The following SBF1 variants were observed in gnomAD, a reference collection of about 807,000 sequenced individuals.
SBF1 encodes the protein myotubularin-related protein 5.
A neutral mutation model predicts 215.8 loss-of-function variants in SBF1; 65 were observed. That is an observed-to-expected ratio of 0.30 (90% CI 0.25 to 0.37). The LOEUF (loss-of-function observed/expected upper bound fraction) is 0.37. SBF1 is among the 10% of genes least tolerant of loss of function. The probability of loss-of-function intolerance (pLI) is 1.00; values close to 1 mark genes in which losing one functional copy is unlikely to be tolerated. For missense variants in SBF1, 2,634 were observed against 2,667.8 expected (o/e 0.99, Z 0.28); for synonymous variants, 1,410 against 1,122.8 (o/e 1.26, Z -5.11).
At chr22:50,453,282 T>TA (rs1455134879) in intron 36 of SBF1, among the ~76,000 whole-genome samples, 1 of 152,210 alleles carries the variant, frequency 6.6e-6, no homozygotes, top group Non-Finnish European at 1.5e-5. Context: ...GCGTCAACTT[T>TA]AAGACAATGA....
rs371153930 is a variant in SBF1, at chr22:50,468,362, C to T, written c.141+14G>A. The T allele has an allele frequency of 2.9e-4, 460 of 1,610,818 alleles. 3 individuals are homozygous for T. The African/African-American group carries it at 5.0e-3, about 18-fold the overall frequency. The stretch of plus-strand genomic sequence containing the variant: ...CCCACCTGCCAGCACCGTCTCAGCA[C>T]GCCCCCAACTCACCAGCTCGATGCC... On this transcript the variant is annotated intron_variant, in intron 2 of 40. Coordinates refer to ENST00000380817, the MANE Select transcript of SBF1 (RefSeq NM_002972.4).
At position 50,445,434 on chromosome 22, in the gene SBF1, G is replaced by A. The variant is rs999491903; in HGVS notation, c.*1708C>T. 6.6e-6 allele frequency: 1 copy of A among 152,200 alleles called. No individual in the cohort carries two copies. Among genetic ancestry groups the A allele is most frequent in the Non-Finnish European group, 1.5e-5 (1 of 68,078 alleles). 9.4% of individuals were successfully genotyped at this position (152,200 alleles called of 1,614,324 possible). A position where few individuals can be genotyped will look rare whatever the true frequency, so the allele number is the denominator to read the frequency against. ...GACCAGACCCCCACCCCGCCCCAGC[G>A]AGCTTGTCTTTCCACCACGGTTGGG... On this transcript the variant is annotated 3_prime_UTR_variant, in exon 41 of 41. Transcript: ENST00000380817.
Position 50,447,077 on chromosome 22 carries a change from G to T in SBF1, c.*65C>A. ...CCGGGGCTGTAAACATGGCCGGGGCGGCCCTGCCCACCCCTAGTGGTCGGT... is the reference window on the plus strand; with the variant it reads ...CCGGGGCTGTAAACATGGCCGGGGCTGCCCTGCCCACCCCTAGTGGTCGGT... On this transcript the variant is annotated 3_prime_UTR_variant, in exon 41 of 41. Transcript: ENST00000380817. The T allele has an allele frequency of 7.0e-7, 1 of 1,426,880 alleles. No individual in the cohort carries two copies. Among genetic ancestry groups the T allele is most frequent in the Non-Finnish European group, 9.7e-7 (1 of 1,034,650 alleles). 88.4% of individuals were successfully genotyped at this position (1,426,880 alleles called of 1,614,324 possible).
In SBF1 at chr22:50,445,677, A is replaced by G. The variant is rs952377470; in HGVS notation, c.*1465T>C. The G allele has an allele frequency of 6.6e-6, 1 of 152,270 alleles. No individual in the cohort carries two copies. The highest frequency in any genetic ancestry group is 2.1e-4 in the South Asian group (1 of 4,836). 9.4% of individuals were successfully genotyped at this position (152,270 alleles called of 1,614,324 possible). ...GGCGCCATCTGTCCGGCCTGAGGGA[A>G]GACCTGGCTGGTTTCAGTGGCTCAA... On this transcript the variant is annotated 3_prime_UTR_variant, in exon 41 of 41. Transcript: ENST00000380817.
At chr22:50,470,903 C>T (rs189462809) in intron 1 of SBF1, among the ~76,000 whole-genome samples, 2 of 152,202 alleles carry the variant, frequency 1.3e-5, no homozygotes, top group African/African-American at 4.8e-5. Flanking sequence ...TCCTCCTCAC[C>T]CTTCTGAGGT....
At chr22:50,448,499 C>CA in intron 37 of SBF1, 44 bp downstream of exon 37, 3 of 1,608,750 alleles carry the variant, frequency 1.9e-6, no homozygotes, top group Non-Finnish European at 2.6e-6. Context: ...CACTTTCTCC[C>CA]AGCAACACGC....
At chr22:50,468,491 C>T (rs765721933) in intron 1 of SBF1, 30 bp from the exon 2 acceptor site, 2 of 1,485,998 alleles carry the variant, frequency 1.3e-6, no homozygotes, top group Admixed American at 4.0e-5. Flanking sequence ...GTCAGAGCAC[C>T]CAACCCGCCC....
rs1261817407 is a variant in SBF1, at chr22:50,465,345, G to A, written c.1090-17C>T. ...CTCCTTGTCCTGGGAGAAGAGCTGAGTGCAGGTGAGAGCCAGTCCTGCCAA... is the reference window on the plus strand; with the variant it reads ...CTCCTTGTCCTGGGAGAAGAGCTGAATGCAGGTGAGAGCCAGTCCTGCCAA... On this transcript the variant is annotated splice_polypyrimidine_tract_variant and intron_variant, in intron 10 of 40. Coordinates refer to ENST00000380817, the MANE Select transcript of SBF1 (RefSeq NM_002972.4). 2 of 1,558,152 alleles carry A rather than the reference G, an allele frequency of 1.3e-6. No individual in the cohort carries two copies. The highest frequency in any genetic ancestry group is 2.3e-5 in the East Asian group (1 of 42,572).
At chr22:50,465,455 A>G in intron 10 of SBF1, 127 bp from the exon 11 acceptor site, 2 of 797,182 alleles carry the variant, frequency 2.5e-6, no homozygotes, top group Non-Finnish European at 2.0e-6. Flanking sequence ...CCCTCCCACC[A>G]TTCTGCACTC....
intron 1 of SBF1, among the ~76,000 whole-genome samples, 181 bp from the exon 2 acceptor site, chr22:50,468,642 A>G (rs1440935093): frequency 6.6e-6 from 1 of 151,720 alleles, no homozygotes; most frequent in African/African-American, 2.4e-5. Context: ...CCCCAGGGCC[A>G]CCTGAGGGTA....
chr22:50,459,359 T>C lies in SBF1; in HGVS notation c.3722A>G (p.Gln1241Arg). ...GACCACAGCCTGCAGGTACTTCTCC[T>C]GCTCCAGGCTACTCGAGTCCGCCTG... ...QSQADSSSLEQEKYLQAVVSS... is the reference protein window; with the variant it reads ...QSQADSSSLEREKYLQAVVSS... Residue 1241 changes from glutamine (Q) to arginine (R), a missense_variant, in exon 28 of 41, where the codon CAG (glutamine) becomes CGG (arginine). By Grantham distance (43) the Gln-to-Arg change is conservative. Coordinates refer to ENST00000380817, the MANE Select transcript of SBF1 (RefSeq NM_002972.4). 6.2e-7 allele frequency: 1 copy of C among 1,612,576 alleles called. No individual in the cohort carries two copies. Among genetic ancestry groups the C allele is most frequent in the Non-Finnish European group, 8.5e-7 (1 of 1,179,468 alleles).
intron 36 of SBF1, among the ~76,000 whole-genome samples, chr22:50,450,478 G>A (rs9712867): frequency 1.6e-3 from 248 of 151,140 alleles, no homozygotes; most frequent in African/African-American, 5.7e-3. Context: ...CCGAGAGTGC[G>A]CCACTGCACT....
rs774121119 is a variant in SBF1, at chr22:50,461,563, C to A, written c.2799G>T (p.Thr933=). 3.0e-5 allele frequency: 48 copies of A among 1,609,846 alleles called. No individual in the cohort carries two copies. In the South Asian group the frequency reaches 4.6e-4, roughly 15 times the overall value. The change falls in exon 22 of 41, where the codon ACG becomes ACT. Residue 933 remains threonine, a synonymous_variant. Coordinates refer to ENST00000380817, the MANE Select transcript of SBF1 (RefSeq NM_002972.4). ...GCATCCCCGTGAAGATGACCCGGTA[C>A]GTGGTGAGGAAGACGGCGCCCTCAG... The part of the protein sequence containing the change: ...LPAEGAVFLT[T]YRVIFTGMPT...
At chr22:50,468,053 C>A in intron 2 of SBF1, 130 bp from the exon 3 acceptor site, 1 of 1,212,908 alleles carries the variant, frequency 8.2e-7, no homozygotes, top group Non-Finnish European at 1.2e-6. Flanking sequence ...CTTGGAGACC[C>A]TGGGGACACG....
chr22:50,471,555 G>A (rs2067996251), intron 1 of SBF1, among the ~76,000 whole-genome samples: 1 of 152,154 alleles, frequency 6.6e-6, no homozygotes, highest in South Asian at 2.1e-4. Context: ...CCAGCTATAG[G>A]AAAAGAGAAA....
rs747659001 is a variant in SBF1 at position 50,465,211 on chromosome 22, C to G, written c.1203+4G>C. 9 of 1,612,690 alleles carry G rather than the reference C, an allele frequency of 5.6e-6. No individual in the cohort carries two copies. Among genetic ancestry groups the G allele is most frequent in the Non-Finnish European group, 7.6e-6 (9 of 1,179,440 alleles). Reference sequence around the variant, plus strand: ...ACCCCACGCCCAGCCACCAGGCACCCCACCTTATGGAAGCGGATGACAGGC... The same window carrying G: ...ACCCCACGCCCAGCCACCAGGCACCGCACCTTATGGAAGCGGATGACAGGC... On this transcript the variant is annotated splice_donor_region_variant and intron_variant, in intron 11 of 40. Coordinates refer to ENST00000380817, the MANE Select transcript of SBF1 (RefSeq NM_002972.4).
rs889812743 is a variant in SBF1, at chr22:50,460,023, G to A, written c.3420C>T (p.Ser1140=). The change falls in exon 26 of 41, where the codon AGC becomes AGT. Residue 1140 remains serine (S), a synonymous_variant. Coordinates refer to ENST00000380817, the MANE Select transcript of SBF1 (RefSeq NM_002972.4). ...GCTCAGACTTGGCCCGGCTCAGGCT[G>A]CTGCTCAGGGTGCCCAGACCGAGGC... ...YQRLGLGTLS[S]SLSRAKSEPF... The A allele has an allele frequency of 3.1e-6, 5 of 1,614,016 alleles. No individual in the cohort carries two copies. The Admixed American group carries it at 5.0e-5, about 16-fold the overall frequency.
At position 50,446,406 on chromosome 22, in the gene SBF1, C is replaced by G. The variant is rs1204554553; in HGVS notation, c.*736G>C. On this transcript the variant is annotated 3_prime_UTR_variant, in exon 41 of 41. Transcript: ENST00000380817. ...CTCCATCCCTTCAGCTCGGGTCTAG[C>G]CAGAAACTGACGTCCACCTCAAGTG... 6.9e-6 allele frequency: 1 copy of G among 145,918 alleles called. No homozygotes were observed. The highest frequency in any genetic ancestry group is 1.5e-5 in the Non-Finnish European group (1 of 67,564). The allele number at this position is 145,918 out of a possible 1,614,324, so 9.0% of individuals were successfully genotyped here. A position where few individuals can be genotyped will look rare whatever the true frequency, so the allele number is the denominator to read the frequency against.
At chr22:50,466,806 G>C (rs887469007) in intron 5 of SBF1, 96 bp from the exon 6 acceptor site, 1 of 844,602 alleles carries the variant, frequency 1.2e-6, no homozygotes, top group Non-Finnish European at 1.8e-6. Context: ...CTGGTGTACT[G>C]ACAGACCCGA....
Sources: gnomAD v4.1 joint callset for allele counts (sites outside exome capture counted in the v4.1 genomes callset) on GRCh38, gnomAD v4.1.1 for gene constraint, MANE v1.5 for transcripts, NCBI Gene and HGNC (gene_info 2026-07-23, HGNC 2026-07-21) for gene names.